TTLL5: variants seen among roughly 807,000 people sequenced by gnomAD.
The protein encoded by TTLL5 is tubulin polyglutamylase TTLL5.
Under a neutral mutation model 168.4 loss-of-function variants are expected in TTLL5, and 132 were observed. That is an observed-to-expected ratio of 0.78 (90% CI 0.68 to 0.91). TTLL5 has a LOEUF of 0.91. Among genes scored for constraint, TTLL5 ranks in the 40% least tolerant of loss-of-function variants. The pLI, the probability that TTLL5 is intolerant of heterozygous loss-of-function variation, is 0.00. For synonymous variants in TTLL5, 546 were observed against 558.6 expected, an observed-to-expected ratio of 0.98 and a Z score of 0.32; for missense variants, 1,545 against 1,581.5, an observed-to-expected ratio of 0.98 and a Z score of 0.39.
intron 3 of TTLL5, among the ~76,000 whole-genome samples, 181 bp downstream of exon 3, chr14:75,669,703 A>AT (rs930931099): frequency 2.0e-5 from 3 of 150,950 alleles, no homozygotes; most frequent in Admixed American, 1.3e-4. Context: ...TTTTCCTCTG[A>AT]TTTTTTTTCA....
intron 29 of TTLL5, among the ~76,000 whole-genome samples, chr14:75,871,696 G>C (rs946882244): frequency 6.6e-6 from 1 of 152,074 alleles, no homozygotes; most frequent in African/African-American, 2.4e-5. Flanking sequence ...TTGTCTGTAG[G>C]TATATGAGGG....
intron 5 of TTLL5, among the ~76,000 whole-genome samples, chr14:75,686,504 A>C (rs2140129174): frequency 6.6e-6 from 1 of 152,346 alleles, no homozygotes; most frequent in African/African-American, 2.4e-5. Context: ...CCACATAGTT[A>C]CATGAGAGGT....
In TTLL5 at chr14:75,707,062, C is replaced by A. The variant is rs745934202; in HGVS notation, c.630C>A (p.Tyr210Ter). 3 of 1,612,816 alleles carry A rather than the reference C, an allele frequency of 1.9e-6. No individual in the cohort carries two copies. Among genetic ancestry groups the A allele is most frequent in the Non-Finnish European group, 2.5e-6 (3 of 1,179,180 alleles). ...AAGAGAACATTTTGGTCTCCCGTTA[C>A]ATTAACAACCCCCTGCTCATAGATG... ...SLEENILVSR[Y>*]INNPLLIDDF... The change falls in exon 8 of 32, where the codon TAC becomes TAA. Residue 210 changes from tyrosine (Y) to a stop codon, truncating the protein, a stop_gained. Transcript: ENST00000298832. LOFTEE classifies it high-confidence loss of function.
intron 5 of TTLL5, among the ~76,000 whole-genome samples, chr14:75,685,227 A>C (rs1877747454): frequency 6.6e-6 from 1 of 151,918 alleles, no homozygotes; most frequent in African/African-American, 2.4e-5. Context: ...TAAAAAAAAC[A>C]AAAAATTTAG....
At chr14:75,754,929 AC>A (rs1442881764) in intron 18 of TTLL5, among the ~76,000 whole-genome samples, 1 of 152,066 alleles carries the variant, frequency 6.6e-6, no homozygotes, top group East Asian at 1.9e-4. Flanking sequence ...GCCCCAGTTA[AC>A]AGCTCCTGCT....
chr14:75,853,761 T>C (rs1896994580), intron 28 of TTLL5, among the ~76,000 whole-genome samples: 1 of 152,218 alleles, frequency 6.6e-6, no homozygotes, highest in Non-Finnish European at 1.5e-5. Flanking sequence ...TCATCTATTT[T>C]GGCTGGACGC....
rs34567697 is a variant in TTLL5 at position 75,685,375 on chromosome 14, C to CAA, written c.371+1737_371+1738dup. ...TGGGTAACACAGAGAGACTCTGTCT[C>CAA]AAAAAAAAAAAAAAAAAAAGGGTGG... On this transcript the variant is annotated intron_variant, in intron 5 of 31. Transcript: ENST00000298832. 2.1e-3 allele frequency among the ~76,000 whole-genome samples: 141 copies of CAA among 68,584 alleles called. 1 individual carries two copies. The highest frequency in any genetic ancestry group is 6.8e-3 in the African/African-American group (128 of 18,884). The allele number at this position is 68,584 out of a possible 152,430, so 45.0% of individuals were successfully genotyped here. A position where few individuals can be genotyped will look rare whatever the true frequency, so the allele number is the denominator to read the frequency against.
At chr14:75,688,741 G>A (rs1029236843) in intron 5 of TTLL5, among the ~76,000 whole-genome samples, 40 of 152,306 alleles carry the variant, frequency 2.6e-4, no homozygotes, top group African/African-American at 7.9e-4. Flanking sequence ...TGCTTTGTGT[G>A]TGGGGAAACA....
chr14:75,740,680 T>C (rs1248466891), intron 15 of TTLL5, among the ~76,000 whole-genome samples: 1 of 152,168 alleles, frequency 6.6e-6, no homozygotes. Flanking sequence ...TTAGAAGCCA[T>C]TTTTTTGGTC....
chr14:75,836,640 C>T (rs1274536067), intron 28 of TTLL5, among the ~76,000 whole-genome samples: 1 of 151,996 alleles, frequency 6.6e-6, no homozygotes, highest in Non-Finnish European at 1.5e-5. Flanking sequence ...ACATTGCATG[C>T]CTTTATCAAA....
intron 2 of TTLL5, among the ~76,000 whole-genome samples, chr14:75,667,079 T>A (rs567291477): frequency 6.6e-6 from 1 of 152,132 alleles, no homozygotes; most frequent in Non-Finnish European, 1.5e-5. Context: ...TTTTTTTTTT[T>A]AGCTGACCTT....
In TTLL5 at chr14:75,765,912, T is replaced by G. The variant is rs780090419; in HGVS notation, c.1709-150T>G. ...AAATAAATAAAAGAATATATGAGATTAGAGAGTGACATGTGGGTGCTATTA... is the reference window on the plus strand; with the variant it reads ...AAATAAATAAAAGAATATATGAGATGAGAGAGTGACATGTGGGTGCTATTA... On this transcript the variant is annotated intron_variant, in intron 19 of 31. Coordinates refer to ENST00000298832, the MANE Select transcript of TTLL5 (RefSeq NM_015072.5). 7.5e-4 allele frequency: 451 copies of G among 597,760 alleles called. 1 individual carries two copies. The highest frequency in any genetic ancestry group is 1.1e-3 in the Non-Finnish European group (393 of 346,444). The allele number at this position is 597,760 out of a possible 1,614,324, so 37.0% of individuals were successfully genotyped here. A position where few individuals can be genotyped will look rare whatever the true frequency, so the allele number is the denominator to read the frequency against.
intron 18 of TTLL5, among the ~76,000 whole-genome samples, chr14:75,760,790 G>T (rs1384156411): frequency 6.6e-6 from 1 of 152,032 alleles, no homozygotes; most frequent in Admixed American, 6.6e-5. Flanking sequence ...ATACAAAAAT[G>T]ATTACTATAA....
intron 9 of TTLL5, chr14:75,711,450 A>C (rs780483902): frequency 1.3e-5 from 2 of 152,152 alleles, no homozygotes; most frequent in Non-Finnish European, 2.9e-5. Flanking sequence ...GGTTTAGATG[A>C]GTTGACAGAG....
chr14:75,879,030 T>C (rs2031659485), intron 29 of TTLL5, among the ~76,000 whole-genome samples: 1 of 152,216 alleles, frequency 6.6e-6, no homozygotes. Flanking sequence ...TTTTTATTTT[T>C]AATTTTTAAT....
intron 31 of TTLL5, among the ~76,000 whole-genome samples, chr14:75,949,700 A>G (rs1036179558): frequency 4.6e-5 from 7 of 151,844 alleles, no homozygotes; most frequent in South Asian, 4.1e-4. Context: ...AATGCAAAAA[A>G]TTAGCTGGGC....
chr14:75,709,828 TAAAAAAAAAAAAAA>T (rs60209676), intron 9 of TTLL5: 3 of 39,888 alleles, frequency 7.5e-5, no homozygotes, highest in African/African-American at 1.1e-4. Flanking sequence ...CCCATCTCAT[TAAAAAAAAAAAAAA>T]AAAAAAAAAA....
At chr14:75,814,520 T>G (rs577717319) in intron 27 of TTLL5, 1 of 152,322 alleles carries the variant, frequency 6.6e-6, no homozygotes, top group African/African-American at 2.4e-5. Context: ...TAGGGTTTAT[T>G]AAGGTCTCAT....
rs145276828 is a variant in TTLL5, at chr14:75,663,850, G to A, written c.74+627G>A. Among the ~76,000 whole-genome samples, 533 of 152,266 alleles carry A rather than the reference G, an allele frequency of 3.5e-3. 7 individuals carry two copies. The highest frequency in any genetic ancestry group is 0.011 in the African/African-American group (462 of 41,554). Reference sequence around the variant, plus strand: ...TGTAATCCCAGCACTTTGGGTAGCCGAGGTGAGCGGATCACCTGAGGTCAG... The same window carrying A: ...TGTAATCCCAGCACTTTGGGTAGCCAAGGTGAGCGGATCACCTGAGGTCAG... On this transcript the variant is annotated intron_variant, in intron 2 of 31. Coordinates refer to ENST00000298832, the MANE Select transcript of TTLL5 (RefSeq NM_015072.5).
Sources: allele counts gnomAD v4.1 joint callset (sites outside exome capture counted in the v4.1 genomes callset), GRCh38; gene constraint gnomAD v4.1.1; transcripts MANE v1.5; gene names NCBI Gene and HGNC (gene_info 2026-07-23, HGNC 2026-07-21).